B4GALT4: variants seen among roughly 807,000 people sequenced by gnomAD.
B4GALT4 encodes the protein beta-1,4-galactosyltransferase 4.
A neutral mutation model predicts 37.3 loss-of-function variants in B4GALT4; 27 were observed. The ratio of observed to expected loss-of-function variants is 0.72; its 90% confidence interval spans 0.53 to 1.00. The LOEUF is 1.00. B4GALT4 is among the 50% of genes least tolerant of loss of function. B4GALT4 has a pLI of 0.00. For synonymous variants in B4GALT4, 148 were observed against 154.1 expected, an observed-to-expected ratio of 0.96 and a Z score of 0.29; for missense variants, 372 against 413.1, an observed-to-expected ratio of 0.90 and a Z score of 0.86.
In B4GALT4 at chr3:119,212,441, CAAT is replaced by C. The variant is rs946586103; in HGVS notation, c.*105_*107del. On this transcript the variant is annotated 3_prime_UTR_variant, in exon 8 of 8. Transcript: ENST00000393765. ...TACAAAAAGGAAAAATTCAGCTCAA[CAAT>C]GAGCTGTAACAGGTTCTTAATGTGT... The C allele has an allele frequency of 1.7e-6, 2 of 1,157,130 alleles. No homozygotes were observed. Among genetic ancestry groups the C allele is most frequent in the African/African-American group, 3.1e-5 (2 of 64,300 alleles). 71.7% of individuals were successfully genotyped at this position (1,157,130 alleles called of 1,614,324 possible).
At chr3:119,240,038 A>G (rs934872826) in intron 1 of B4GALT4, 8 of 149,082 alleles carry the variant, frequency 5.4e-5, no homozygotes, top group African/African-American at 1.7e-4. Flanking sequence ...CCACGCTCAG[A>G]TTACCATTTT....
At chr3:119,232,895 A>G (rs1248812808) in intron 2 of B4GALT4, 1 of 151,896 alleles carries the variant, frequency 6.6e-6, no homozygotes, top group South Asian at 2.1e-4. Flanking sequence ...TGCAACCTCT[A>G]CCTCCCGGTT....
At chr3:119,226,632 T>G (rs1247873285) in intron 4 of B4GALT4, 177 bp downstream of exon 4, 9 of 631,634 alleles carry the variant, frequency 1.4e-5, no homozygotes, top group African/African-American at 9.2e-5. Context: ...AACCCATAAC[T>G]CCACACTCTG....
chr3:119,216,337 G>A lies in B4GALT4; in HGVS notation c.805C>T (p.Leu269Phe). The A allele has an allele frequency of 1.2e-6, 2 of 1,612,012 alleles. No homozygotes were observed. Among genetic ancestry groups the A allele is most frequent in the Non-Finnish European group, 8.5e-7 (1 of 1,178,972 alleles). Residue 269 changes from leucine to phenylalanine, a missense_variant, in exon 7 of 8, where the codon CTC becomes TTC. Leu to Phe is a conservative substitution (Grantham distance 22). Transcript: ENST00000393765. ...GGCCGGGAAATTTTCATTCTTTGGA[G>A]CTCAACCCTAGAAAAATAATAGAGA... Reference protein sequence around the residue: ...EDDDLRLRVELQRMKISRPLP... With the variant: ...EDDDLRLRVEFQRMKISRPLP...
At position 119,224,102 on chromosome 3, in the gene B4GALT4, C is replaced by T. The variant is rs1181469097; in HGVS notation, c.630G>A (p.Glu210=). ...TGCCAACCACCAGATGCTTGGGATG[C>T]TCCTCACACTTGTAAAGGTTAAAGT... The part of the protein sequence containing the change: ...ENDFNLYKCE[E]HPKHLVVGRN... Residue 210 remains glutamate (E), a synonymous_variant, in exon 5 of 8, where the codon GAG becomes GAA. Coordinates refer to ENST00000393765, the MANE Select transcript of B4GALT4 (RefSeq NM_003778.4). 2.5e-6 allele frequency: 4 copies of T among 1,613,900 alleles called. No homozygotes were observed. In the Admixed American group the frequency reaches 6.7e-5, roughly 27 times the overall value.
At chr3:119,231,759 T>G (rs1359238945) in intron 2 of B4GALT4, among the ~76,000 whole-genome samples, 1 of 141,634 alleles carries the variant, frequency 7.1e-6, no homozygotes, top group African/African-American at 2.6e-5. Flanking sequence ...TTTATAAATT[T>G]TATTTTATTT....
intron 6 of B4GALT4, among the ~76,000 whole-genome samples, chr3:119,218,342 G>A (rs2078352159): frequency 6.6e-6 from 1 of 152,214 alleles, no homozygotes; most frequent in Admixed American, 6.5e-5. Flanking sequence ...CCAAATTGCA[G>A]TTCAGCAGAC....
chr3:119,224,489 T>C (rs2078542054), intron 4 of B4GALT4, among the ~76,000 whole-genome samples: 1 of 152,240 alleles, frequency 6.6e-6, no homozygotes, highest in Non-Finnish European at 1.5e-5. Context: ...CAAAGACTTG[T>C]TGTTTAATGA....
chr3:119,228,310 C>T (rs1277251765), intron 3 of B4GALT4, among the ~76,000 whole-genome samples: 2 of 152,150 alleles, frequency 1.3e-5, no homozygotes, highest in Non-Finnish European at 2.9e-5. Context: ...TCTGCTTCCA[C>T]TTACTCTCTA....
intron 7 of B4GALT4, 82 bp downstream of exon 7, chr3:119,216,158 A>G (rs560212690): frequency 1.7e-6 from 2 of 1,167,874 alleles, no homozygotes; most frequent in East Asian, 2.6e-5. Context: ...AACTGGCTCA[A>G]ATCTGATCGA....
At chr3:119,239,923 T>C (rs2079097618) in intron 1 of B4GALT4, 1 of 151,810 alleles carries the variant, frequency 6.6e-6, no homozygotes, top group South Asian at 2.1e-4. Flanking sequence ...ATCCGGACCC[T>C]GAATCCTATT....
chr3:119,217,697 G>C (rs899053498), intron 6 of B4GALT4, among the ~76,000 whole-genome samples: 3 of 152,014 alleles, frequency 2.0e-5, no homozygotes, highest in African/African-American at 7.3e-5. Context: ...AAAAAAATTA[G>C]CCAGACACGG....
intron 5 of B4GALT4, among the ~76,000 whole-genome samples, chr3:119,220,921 A>G (rs1371550685): frequency 6.6e-6 from 1 of 151,406 alleles, no homozygotes; most frequent in Non-Finnish European, 1.5e-5. Flanking sequence ...GGGAGGTGGA[A>G]GTTCCAGTGA....
At position 119,237,334 on chromosome 3, in the gene B4GALT4, G is replaced by C. The variant is rs75527525; in HGVS notation, c.-363-264C>G. 2.2e-3 allele frequency among the ~76,000 whole-genome samples: 339 copies of C among 152,338 alleles called. 1 individual carries two copies. The highest frequency in any genetic ancestry group is 6.8e-3 in the African/African-American group (282 of 41,576). Reference sequence around the variant, plus strand: ...TAACAGGGCTCTGAAGTCACAAAGAGCTGAGTTCAAATTCTGGTTATCAGA... The same window carrying C: ...TAACAGGGCTCTGAAGTCACAAAGACCTGAGTTCAAATTCTGGTTATCAGA... On this transcript the variant is annotated intron_variant, in intron 1 of 7. Transcript: ENST00000393765.
At chr3:119,226,604 A>G (rs1191119803) in intron 4 of B4GALT4, 4 of 579,110 alleles carry the variant, frequency 6.9e-6, no homozygotes, top group African/African-American at 1.9e-5. Context: ...TAAGGGCAGT[A>G]AAATTTCCCA....
rs560635979 is a variant in B4GALT4 at position 119,236,976 on chromosome 3, A to G, written c.-269T>C. ...CCTGCCTCTTCCTTCATGAAGCCAC[A>G]AAGTGCCACTGCGTGAGTTCCGTGG... On this transcript the variant is annotated 5_prime_UTR_variant, in exon 2 of 8. Transcript: ENST00000393765. 2.0e-5 allele frequency: 3 copies of G among 152,356 alleles called. No individual in the cohort carries two copies. Among genetic ancestry groups the G allele is most frequent in the South Asian group, 4.1e-4 (2 of 4,824 alleles). 9.4% of individuals were successfully genotyped at this position (152,356 alleles called of 1,614,324 possible).
At chr3:119,223,930 T>C (rs1176158350) in intron 5 of B4GALT4, 128 bp downstream of exon 5, 1 of 934,444 alleles carries the variant, frequency 1.1e-6, no homozygotes, top group Admixed American at 3.5e-5. Context: ...CTTTAAGTGA[T>C]GCATACATTA....
At chr3:119,218,607 T>C in intron 6 of B4GALT4, 43 bp downstream of exon 6, 2 of 1,612,766 alleles carry the variant, frequency 1.2e-6, no homozygotes, top group South Asian at 2.2e-5. Context: ...AGAGCCACAC[T>C]GAGTGCAGAG....
chr3:119,221,946 G>A (rs1383723817), intron 5 of B4GALT4, among the ~76,000 whole-genome samples: 4 of 152,222 alleles, frequency 2.6e-5, no homozygotes, highest in Non-Finnish European at 5.9e-5. Context: ...CTCAGAGTGA[G>A]CGGCATCTGA....
Sources: allele counts gnomAD v4.1 joint callset (sites outside exome capture counted in the v4.1 genomes callset), GRCh38; gene constraint gnomAD v4.1.1; transcripts MANE v1.5; gene names NCBI Gene and HGNC (gene_info 2026-07-23, HGNC 2026-07-21).